The following ATP8B4 variants were observed in gnomAD, a reference collection of about 807,000 sequenced individuals.
ATP8B4 encodes the protein probable phospholipid-transporting ATPase IM.
A neutral mutation model predicts 145.6 loss-of-function variants in ATP8B4; 133 were observed. The ratio of observed to expected loss-of-function variants is 0.91; its 90% confidence interval spans 0.79 to 1.05. The LOEUF (loss-of-function observed/expected upper bound fraction) is 1.05. Among genes scored for constraint, ATP8B4 ranks in the 50% least tolerant of loss-of-function variants. The probability of loss-of-function intolerance (pLI) is 0.00; values close to 1 mark genes in which losing one functional copy is unlikely to be tolerated. For missense variants in ATP8B4, 1,458 were observed against 1,425.2 expected (o/e 1.02, Z -0.37); for synonymous variants, 507 against 492.9 (o/e 1.03, Z -0.38).
chr15:50,160,870 A>C (rs2140840869), intron 1 of ATP8B4, among the ~76,000 whole-genome samples: 1 of 152,206 alleles, frequency 6.6e-6, no homozygotes, highest in Middle Eastern at 3.4e-3. Context: ...TTTTCTATAA[A>C]TATCTGTCAA....
At chr15:49,901,879 T>C (rs759698266) in intron 20 of ATP8B4, 4 of 393,954 alleles carry the variant, frequency 1.0e-5, no homozygotes, top group Non-Finnish European at 2.0e-5. Flanking sequence ...GGAAAAAAAC[T>C]AGACACCAAA....
intron 1 of ATP8B4, among the ~76,000 whole-genome samples, chr15:50,141,450 A>G (rs2044208194): frequency 6.6e-6 from 1 of 152,156 alleles, no homozygotes; most frequent in African/African-American, 2.4e-5. Context: ...CCTCACAGGC[A>G]ATCAGGGCAG....
chr15:50,058,002 A>G (rs1316963899), intron 3 of ATP8B4, among the ~76,000 whole-genome samples: 2 of 148,518 alleles, frequency 1.3e-5, no homozygotes, highest in Admixed American at 1.3e-4. Flanking sequence ...ACAGACAGAA[A>G]GAGAGAGAGA....
At chr15:49,974,275 G>C (rs1190500831) in intron 12 of ATP8B4, among the ~76,000 whole-genome samples, 1 of 151,664 alleles carries the variant, frequency 6.6e-6, no homozygotes, top group Admixed American at 6.6e-5. Context: ...TAGAGACGGG[G>C]TTTCACTACT....
At chr15:49,889,560 C>T (rs1249743951) in intron 23 of ATP8B4, among the ~76,000 whole-genome samples, 1 of 152,194 alleles carries the variant, frequency 6.6e-6, no homozygotes, top group Non-Finnish European at 1.5e-5. Context: ...TCACAGATGT[C>T]CTAAGTGCCA....
chr15:50,149,826 C>T (rs1460902261), intron 1 of ATP8B4, among the ~76,000 whole-genome samples: 2 of 152,186 alleles, frequency 1.3e-5, no homozygotes, highest in Non-Finnish European at 2.9e-5. Flanking sequence ...GTTGGCCGGG[C>T]ACAGTGGCTC....
chr15:49,861,211 G>A (rs998020986), intron 27 of ATP8B4, among the ~76,000 whole-genome samples: 3 of 152,040 alleles, frequency 2.0e-5, no homozygotes, highest in Non-Finnish European at 4.4e-5. Flanking sequence ...AGAACATCAC[G>A]ATCAAACTTA....
At chr15:49,910,538 A>G (rs1361610817) in intron 20 of ATP8B4, among the ~76,000 whole-genome samples, 1 of 152,178 alleles carries the variant, frequency 6.6e-6, no homozygotes, top group Non-Finnish European at 1.5e-5. Flanking sequence ...TTTCTCTGTG[A>G]TACATTATAG....
In ATP8B4 at chr15:50,018,307, C is replaced by A. The variant is rs555381778; in HGVS notation, c.363-7390G>T. 8.5e-5 allele frequency among the ~76,000 whole-genome samples: 13 copies of A among 152,152 alleles called. No individual in the cohort carries two copies. The South Asian group carries it at 2.7e-3, about 32-fold the overall frequency. The stretch of plus-strand genomic sequence containing the variant: ...TTGGCCCTAGAATTCTTAATGAGTT[C>A]ATCACTGGCATATGCGGTATCATCA... On this transcript the variant is annotated intron_variant, in intron 6 of 27. Transcript: ENST00000284509.
At position 50,073,003 on chromosome 15, in the gene ATP8B4, TATATATATATATATATACACACACACAC is replaced by T. The variant is rs1363458807; in HGVS notation, c.87+1096_87+1123del. On this transcript the variant is annotated intron_variant, in intron 3 of 27. Transcript: ENST00000284509. ...CTCTATATATATATATATATATATA[TATATATATATATATATACACACACACAC>T]ACACACACACACACACACACACTAT... Among the ~76,000 whole-genome samples the T allele has an allele frequency of 8.5e-4, 51 of 59,896 alleles. 1 individual carries two copies. The highest frequency in any genetic ancestry group is 4.5e-3 in the African/African-American group (47 of 10,460). The allele number at this position is 59,896 out of a possible 152,430, so 39.3% of individuals were successfully genotyped here.
intron 6 of ATP8B4, among the ~76,000 whole-genome samples, chr15:50,013,558 C>T (rs973151664): frequency 2.0e-5 from 3 of 151,830 alleles, no homozygotes; most frequent in Admixed American, 6.6e-5. Flanking sequence ...TCTTAGAATC[C>T]GTTTTTTTAA....
chr15:49,929,772 A>G (rs2041086493), intron 16 of ATP8B4, among the ~76,000 whole-genome samples: 1 of 152,044 alleles, frequency 6.6e-6, no homozygotes, highest in East Asian at 1.9e-4. Flanking sequence ...GAGTGTCAAG[A>G]AAACAGGGCC....
At chr15:50,051,558 T>C (rs1220099516) in intron 3 of ATP8B4, among the ~76,000 whole-genome samples, 2 of 152,320 alleles carry the variant, frequency 1.3e-5, no homozygotes, top group East Asian at 3.9e-4. Context: ...GTATGTTAAC[T>C]ACTCAAGAAG....
intron 13 of ATP8B4, among the ~76,000 whole-genome samples, chr15:49,966,283 C>G (rs888056861): frequency 1.3e-5 from 2 of 152,208 alleles, no homozygotes; most frequent in African/African-American, 4.8e-5. Context: ...CATTCACACC[C>G]CTGGAAAGGG....
intron 23 of ATP8B4, among the ~76,000 whole-genome samples, chr15:49,889,171 T>C (rs1025657613): frequency 3.9e-5 from 6 of 152,064 alleles, no homozygotes; most frequent in African/African-American, 1.4e-4. Context: ...AAGAGGTCAC[T>C]TATCATCAGG....
intron 8 of ATP8B4, among the ~76,000 whole-genome samples, chr15:49,998,344 A>G (rs933892319): frequency 1.4e-4 from 21 of 152,304 alleles, no homozygotes; most frequent in African/African-American, 4.6e-4. Context: ...GAACTAGTTT[A>G]CAGTCCCACC....
intron 20 of ATP8B4, among the ~76,000 whole-genome samples, chr15:49,906,731 A>C (rs2038666864): frequency 6.6e-6 from 1 of 152,212 alleles, no homozygotes; most frequent in African/African-American, 2.4e-5. Context: ...CAAAAGAATA[A>C]ACTTTAAATG....
chr15:50,093,007 A>G (rs2153657050), intron 2 of ATP8B4, among the ~76,000 whole-genome samples: 1 of 152,212 alleles, frequency 6.6e-6, no homozygotes. Context: ...TTGTCACCTT[A>G]CTTTTCAAAA....
chr15:50,055,155 G>T (rs1015447464), intron 3 of ATP8B4, among the ~76,000 whole-genome samples: 1 of 152,174 alleles, frequency 6.6e-6, no homozygotes, highest in East Asian at 1.9e-4. Flanking sequence ...GGCTATGAGT[G>T]GGGAGGCTGC....
Sources: gnomAD v4.1 joint callset for allele counts (sites outside exome capture counted in the v4.1 genomes callset) on GRCh38, gnomAD v4.1.1 for gene constraint, MANE v1.5 for transcripts, NCBI Gene and HGNC (gene_info 2026-07-23, HGNC 2026-07-21) for gene names.